The following CELF4 variants were observed in gnomAD, a reference collection of about 807,000 sequenced individuals.
CELF4 encodes the protein CUG-BP- and ETR-3-like factor 4.
A neutral mutation model predicts 59.9 loss-of-function variants in CELF4; 18 were observed. That is an observed-to-expected ratio of 0.30 (90% CI 0.21 to 0.45). The LOEUF (loss-of-function observed/expected upper bound fraction) is 0.45, where lower values mean the gene tolerates loss of function less well. Among genes scored for constraint, CELF4 ranks in the 20% least tolerant of loss-of-function variants. The pLI is 1.00. For missense variants in CELF4, 456 were observed against 689.0 expected (o/e 0.66, Z 3.79); for synonymous variants, 261 against 267.1 (o/e 0.98, Z 0.22).
In CELF4 at chr18:37,565,522, C is replaced by G; in HGVS notation, c.120G>C (p.Pro40=). The stretch of plus-strand genomic sequence containing the variant: ...TCATGGGAATGGTCGACGGGTTCCC[C>G]GGGCTGTGGCTTAATCCGTTCATGT... ...AGHMNGLSHS[P]GNPSTIPMKD... The change falls in exon 1 of 13, where the codon CCG becomes CCC. Residue 40 remains proline, a synonymous_variant. Transcript: ENST00000420428. 6.2e-7 allele frequency: 1 copy of G among 1,614,170 alleles called. No individual in the cohort carries two copies. The highest frequency in any genetic ancestry group is 1.3e-5 in the African/African-American group (1 of 75,052).
intron 1 of CELF4, among the ~76,000 whole-genome samples, chr18:37,536,121 A>G (rs1194171106): frequency 6.6e-6 from 1 of 151,856 alleles, no homozygotes; most frequent in East Asian, 1.9e-4. Flanking sequence ...TGACGCCTGG[A>G]CATTTTTTTG....
intron 1 of CELF4, among the ~76,000 whole-genome samples, chr18:37,528,012 A>C (rs2099965743): frequency 6.6e-6 from 1 of 152,234 alleles, no homozygotes; most frequent in African/African-American, 2.4e-5. Context: ...GATACTTAAA[A>C]TCACAGACAG....
At chr18:37,312,041 G>A (rs1168366047) in intron 3 of CELF4, among the ~76,000 whole-genome samples, 1 of 148,614 alleles carries the variant, frequency 6.7e-6, no homozygotes, top group Non-Finnish European at 1.5e-5. Flanking sequence ...AACCTGGGAG[G>A]TGGAACTTGC....
chr18:37,364,417 T>C (rs549208171), intron 2 of CELF4, among the ~76,000 whole-genome samples: 134 of 152,210 alleles, frequency 8.8e-4, no homozygotes, highest in Non-Finnish European at 1.5e-3. Context: ...CATGCTGGAA[T>C]GTCAGGCACT....
intron 2 of CELF4, among the ~76,000 whole-genome samples, chr18:37,351,407 G>A (rs1237578009): frequency 2.6e-5 from 4 of 152,122 alleles, no homozygotes; most frequent in South Asian, 2.1e-4. Flanking sequence ...TCAGGCCCAC[G>A]GGCCCAACGT....
intron 2 of CELF4, among the ~76,000 whole-genome samples, chr18:37,373,382 C>T (rs528662707): frequency 6.6e-6 from 1 of 152,296 alleles, no homozygotes; most frequent in East Asian, 1.9e-4. Flanking sequence ...CCTGACTTGA[C>T]CACAAACAGC....
intron 12 of CELF4, among the ~76,000 whole-genome samples, chr18:37,251,714 C>T (rs1246831841): frequency 1.3e-5 from 2 of 152,176 alleles, no homozygotes; most frequent in Admixed American, 6.5e-5. Context: ...ACGAAACCGT[C>T]CCTCCATTCC....
chr18:37,303,383 C>T (rs934859668), intron 3 of CELF4, among the ~76,000 whole-genome samples: 25 of 152,104 alleles, frequency 1.6e-4, no homozygotes, highest in Admixed American at 1.5e-3. Flanking sequence ...GGAAAACAGT[C>T]GTTGAAATTG....
In CELF4 at chr18:37,254,049, C is replaced by T. The variant is rs2067378123; in HGVS notation, c.1334-111G>A. 2 of 821,114 alleles carry T rather than the reference C, an allele frequency of 2.4e-6. No individual in the cohort carries two copies. Among genetic ancestry groups the T allele is most frequent in the African/African-American group, 1.8e-5 (1 of 54,578 alleles). 50.9% of individuals were successfully genotyped at this position (821,114 alleles called of 1,614,324 possible). On this transcript the variant is annotated intron_variant, in intron 11 of 12. Coordinates refer to ENST00000420428, the MANE Select transcript of CELF4 (RefSeq NM_020180.4). This position sits in a 1 kb window ranked among gnomAD's most constrained non-coding sequence, Gnocchi z 5.1. ...GCGGGGCGGGCCTGAGGCTCTCCCC[C>T]TCGGGCCCCGCCCCCGGCCCCGCCC...
At chr18:37,509,502 A>G (rs2099941881) in intron 1 of CELF4, among the ~76,000 whole-genome samples, 1 of 152,246 alleles carries the variant, frequency 6.6e-6, no homozygotes, top group South Asian at 2.1e-4. Context: ...GGTTGCCCCT[A>G]GGATTAGAGA....
At chr18:37,289,575 ACT>A (rs1450220781) in intron 3 of CELF4, among the ~76,000 whole-genome samples, 2 of 149,964 alleles carry the variant, frequency 1.3e-5, no homozygotes, top group African/African-American at 2.5e-5. Flanking sequence ...CCACAGCCAG[ACT>A]CTGCTATCAG....
chr18:37,479,560 G>C (rs977387975), intron 2 of CELF4, among the ~76,000 whole-genome samples: 1 of 152,268 alleles, frequency 6.6e-6, no homozygotes, highest in Non-Finnish European at 1.5e-5. Context: ...CTTCTTTTCA[G>C]GGAATATGAG....
chr18:37,484,708 T>C (rs936483452), intron 2 of CELF4, among the ~76,000 whole-genome samples: 7 of 152,216 alleles, frequency 4.6e-5, no homozygotes. Context: ...TTACATACGG[T>C]TGGCTTGGTA....
intron 1 of CELF4, among the ~76,000 whole-genome samples, chr18:37,563,160 C>T (rs2099987091): frequency 6.6e-6 from 1 of 151,652 alleles, no homozygotes; most frequent in African/African-American, 2.4e-5. Context: ...GATGAAAATT[C>T]TACTTCTTTG....
intron 2 of CELF4, among the ~76,000 whole-genome samples, chr18:37,323,675 C>T (rs2097201195): frequency 6.6e-6 from 1 of 152,186 alleles, no homozygotes; most frequent in Admixed American, 6.5e-5. Context: ...CATTCTTCTC[C>T]CCCAAACAGG....
intron 1 of CELF4, among the ~76,000 whole-genome samples, chr18:37,552,402 G>T (rs1201871136): frequency 6.6e-6 from 1 of 152,198 alleles, no homozygotes; most frequent in Non-Finnish European, 1.5e-5. Context: ...TCCCTGCTCT[G>T]CAGAAACCTG....
At chr18:37,539,690 A>T (rs1351050651) in intron 1 of CELF4, among the ~76,000 whole-genome samples, 1 of 152,206 alleles carries the variant, frequency 6.6e-6, no homozygotes, top group Non-Finnish European at 1.5e-5. Flanking sequence ...AAAATGTGCT[A>T]TGTAGACAGC....
intron 1 of CELF4, among the ~76,000 whole-genome samples, chr18:37,524,480 C>G (rs1230001537): frequency 2.0e-5 from 3 of 152,182 alleles, no homozygotes; most frequent in Non-Finnish European, 2.9e-5. Context: ...CTCCCCTGTT[C>G]CCACCTCCCC....
intron 5 of CELF4, 119 bp downstream of exon 5, chr18:37,274,686 G>A (rs1156715621): frequency 2.7e-6 from 4 of 1,481,956 alleles, no homozygotes; most frequent in Non-Finnish European, 2.7e-6. Flanking sequence ...TCTGAGGCCC[G>A]GAATAAGGGT....
Sources: allele counts gnomAD v4.1 joint callset (sites outside exome capture counted in the v4.1 genomes callset), GRCh38; gene constraint gnomAD v4.1.1; non-coding constraint Gnocchi (gnomAD v3.1); transcripts MANE v1.5; gene names NCBI Gene and HGNC (gene_info 2026-07-23, HGNC 2026-07-21).